Variants in MYO5A observed in about 807,000 individuals in gnomAD.
MYO5A encodes myosin VA.
In MYO5A, 98 loss-of-function variants were observed where a neutral mutation model predicts 249.7. The ratio of observed to expected loss-of-function variants is 0.39; its 90% confidence interval spans 0.33 to 0.46. The LOEUF (loss-of-function observed/expected upper bound fraction) is 0.46, where lower values mean the gene tolerates loss of function less well. Ranked by LOEUF, MYO5A falls within the 20% of genes least tolerant of loss-of-function variation. The pLI, the probability that MYO5A is intolerant of heterozygous loss-of-function variation, is 0.98. For missense variants in MYO5A, 1,696 were observed against 2,308.8 expected (o/e 0.73, Z 5.44); for synonymous variants, 778 against 810.6 (o/e 0.96, Z 0.68).
intron 4 of MYO5A, among the ~76,000 whole-genome samples, chr15:52,425,616 T>C (rs144003850): frequency 3.9e-4 from 60 of 152,312 alleles, no homozygotes; most frequent in African/African-American, 1.3e-3. Context: ...CACCTTGGCC[T>C]CCCAAAGTGC....
chr15:52,424,811 T>C (rs966023516), intron 4 of MYO5A, among the ~76,000 whole-genome samples: 2 of 152,242 alleles, frequency 1.3e-5, no homozygotes, highest in African/African-American at 4.8e-5. Flanking sequence ...TATTTTATTA[T>C]ATTACTAAGA....
intron 34 of MYO5A, 48 bp downstream of exon 34, chr15:52,336,415 G>T: frequency 1.6e-6 from 2 of 1,270,528 alleles, no homozygotes; most frequent in South Asian, 1.3e-5. Flanking sequence ...TTTAAGCCAA[G>T]ACTCAAACCA....
chr15:52,527,807 CAG>C (rs1463749469), intron 1 of MYO5A, among the ~76,000 whole-genome samples: 2 of 152,220 alleles, frequency 1.3e-5, no homozygotes, highest in Non-Finnish European at 2.9e-5. Context: ...CCAGTGATTA[CAG>C]GACCCTAAAT....
chr15:52,316,277 C>T (rs996780741), intron 40 of MYO5A, among the ~76,000 whole-genome samples: 2 of 146,266 alleles, frequency 1.4e-5, no homozygotes, highest in Non-Finnish European at 3.0e-5. Context: ...GTCTAAGAGT[C>T]AGCACAGAAA....
intron 5 of MYO5A, among the ~76,000 whole-genome samples, chr15:52,413,147 C>CAAAAAA (rs767059579): frequency 1.5e-5 from 1 of 66,160 alleles, no homozygotes; most frequent in African/African-American, 6.0e-5. Context: ...AACTCTGTCT[C>CAAAAAA]AAAAAAAAAA....
chr15:52,382,834 G>C (rs570122438), intron 16 of MYO5A, among the ~76,000 whole-genome samples: 1 of 152,270 alleles, frequency 6.6e-6, no homozygotes, highest in South Asian at 2.1e-4. Context: ...ATTCAAAACA[G>C]AAAACAGAAC....
chr15:52,462,419 A>C (rs1441084385), intron 1 of MYO5A, among the ~76,000 whole-genome samples: 2 of 152,210 alleles, frequency 1.3e-5, no homozygotes, highest in Non-Finnish European at 2.9e-5. Context: ...AGTACCAAAA[A>C]GATCACCGAG....
At chr15:52,482,664 G>T (rs1476546359) in intron 1 of MYO5A, among the ~76,000 whole-genome samples, 1 of 151,668 alleles carries the variant, frequency 6.6e-6, no homozygotes, top group East Asian at 1.9e-4. Context: ...TTAATAAAAG[G>T]TAAGACTGTG....
intron 1 of MYO5A, among the ~76,000 whole-genome samples, chr15:52,482,881 C>G (rs1387635093): frequency 2.6e-5 from 4 of 152,166 alleles, no homozygotes; most frequent in Non-Finnish European, 5.9e-5. Flanking sequence ...TTCCAGGTTT[C>G]TAAGGTCTCC....
rs569778969 is a variant in MYO5A, at chr15:52,525,444, T to C, written c.27+3336A>G. Among the ~76,000 whole-genome samples, 4 of 152,340 alleles carry C rather than the reference T, an allele frequency of 2.6e-5. No homozygotes were observed. In the East Asian group the frequency reaches 7.7e-4, roughly 29 times the overall value. On this transcript the variant is annotated intron_variant, in intron 1 of 41. Coordinates refer to ENST00000399233, the MANE Select transcript of MYO5A (RefSeq NM_001382347.1). ...CAAAATGGAAGCCTTGTTAAATTGCTGTGACAAAACCATTACCATTCTGGC... is the reference window on the plus strand; with the variant it reads ...CAAAATGGAAGCCTTGTTAAATTGCCGTGACAAAACCATTACCATTCTGGC...
At chr15:52,440,421 CA>C (rs2075762915) in intron 1 of MYO5A, among the ~76,000 whole-genome samples, 1 of 152,208 alleles carries the variant, frequency 6.6e-6, no homozygotes. Context: ...GCATGCACCA[CA>C]ACACCTGGCT....
At chr15:52,443,791 G>C (rs1022194058) in intron 1 of MYO5A, among the ~76,000 whole-genome samples, 4 of 151,582 alleles carry the variant, frequency 2.6e-5, no homozygotes, top group African/African-American at 9.7e-5. Flanking sequence ...GACCAGCTTG[G>C]GCAACATGGT....
chr15:52,434,400 G>A (rs2075616691), intron 1 of MYO5A, among the ~76,000 whole-genome samples: 1 of 152,122 alleles, frequency 6.6e-6, no homozygotes, highest in African/African-American at 2.4e-5. Context: ...GAGAAGAGGA[G>A]AATAAAAATA....
chr15:52,495,434 A>C (rs1424775674), intron 1 of MYO5A, among the ~76,000 whole-genome samples: 1 of 152,232 alleles, frequency 6.6e-6, no homozygotes, highest in Non-Finnish European at 1.5e-5. Flanking sequence ...CAAAAAACAC[A>C]AAATTTCAGT....
At chr15:52,334,891 G>A (rs2039044061) in intron 34 of MYO5A, among the ~76,000 whole-genome samples, 2 of 152,152 alleles carry the variant, frequency 1.3e-5, no homozygotes, top group Admixed American at 1.3e-4. Context: ...CGTCTGTCTG[G>A]GTAATCAGGA....
intron 1 of MYO5A, among the ~76,000 whole-genome samples, chr15:52,450,704 T>C (rs191784592): frequency 6.6e-6 from 1 of 151,752 alleles, no homozygotes; most frequent in East Asian, 1.9e-4. Context: ...AAGGTCTCAC[T>C]GTCACCCAGG....
chr15:52,348,312 A>AGC (rs2039752838), intron 29 of MYO5A, among the ~76,000 whole-genome samples: 1 of 138,918 alleles, frequency 7.2e-6, no homozygotes. Flanking sequence ...AGAAACAGGG[A>AGC]TATGGTAGAG....
intron 37 of MYO5A, among the ~76,000 whole-genome samples, chr15:52,322,436 G>A (rs1039770927): frequency 2.0e-5 from 3 of 152,222 alleles, no homozygotes; most frequent in Non-Finnish European, 4.4e-5. Flanking sequence ...GCCCTCAGCG[G>A]TGCCAGACCC....
In MYO5A at chr15:52,340,279, C is replaced by A. The variant is rs2039316905; in HGVS notation, c.4156G>T (p.Ala1386Ser). 6.2e-7 allele frequency: 1 copy of A among 1,613,878 alleles called. No individual in the cohort carries two copies. The highest frequency in any genetic ancestry group is 1.1e-5 in the South Asian group (1 of 91,082). ...EENNRQQQLL[A>S]QNLQLPPEAR... is the part of the protein sequence containing the mutation. ...TCTGGGGGCAGCTGCAGGTTCTGGG[C>A]CAGCAGCTGCTGCTGTCGGTTGTTC... The change falls in exon 32 of 42, where the codon GCC becomes TCC. Residue 1386 changes from alanine (A) to serine (S), a missense_variant. This residue lies in a region of MYO5A where 625 missense variants were observed against 908.1 expected (regional missense o/e 0.69). Coordinates refer to ENST00000399233, the MANE Select transcript of MYO5A (RefSeq NM_001382347.1).
Sources: allele counts gnomAD v4.1 joint callset (sites outside exome capture counted in the v4.1 genomes callset), GRCh38; gene constraint gnomAD v4.1.1; regional missense constraint gnomAD v4.1.1; transcripts MANE v1.5; gene names NCBI Gene and HGNC (gene_info 2026-07-23, HGNC 2026-07-21).